Variants in SPMIP2 observed in about 807,000 individuals in gnomAD.
SPMIP2 encodes protein SPMIP2.
the SPMIP2 span, among the ~76,000 whole-genome samples, chr4:159,061,177 A>G: frequency 6.6e-6 from 1 of 151,294 alleles, no homozygotes; most frequent in Non-Finnish European, 1.5e-5. Context: ...AAAGGAATAT[A>G]GCCAGAAAAC....
chr4:159,036,749 C>A, the SPMIP2 span, among the ~76,000 whole-genome samples: 1 of 152,166 alleles, frequency 6.6e-6, no homozygotes, highest in Non-Finnish European at 1.5e-5. Context: ...TGTTACTGAT[C>A]TTTGGTGTCA....
At chr4:158,917,373 G>C in the SPMIP2 span, among the ~76,000 whole-genome samples, 1 of 152,056 alleles carries the variant, frequency 6.6e-6, no homozygotes, top group African/African-American at 2.4e-5. Flanking sequence ...GTTGCAGTGA[G>C]CTGAGATCAC....
the SPMIP2 span, chr4:158,960,332 T>G: frequency 6.4e-7 from 1 of 1,564,682 alleles, no homozygotes; most frequent in Non-Finnish European, 8.8e-7. Flanking sequence ...GAAGCTTGAC[T>G]TAGTTCTTCA....
At chr4:159,061,506 A>T in the SPMIP2 span, among the ~76,000 whole-genome samples, 3 of 152,120 alleles carry the variant, frequency 2.0e-5, no homozygotes, top group East Asian at 5.8e-4. Flanking sequence ...AAAGAAGTGA[A>T]CACTTAAAAG....
At chr4:158,923,656 A>T in the SPMIP2 span, among the ~76,000 whole-genome samples, 1 of 152,310 alleles carries the variant, frequency 6.6e-6, no homozygotes, top group South Asian at 2.1e-4. Flanking sequence ...TGTTATCAGC[A>T]ACTAGAGATA....
the SPMIP2 span, among the ~76,000 whole-genome samples, chr4:159,035,684 A>G: frequency 2.0e-5 from 3 of 152,184 alleles, no homozygotes; most frequent in East Asian, 5.8e-4. Context: ...ATGTCAATTT[A>G]CCTGTGGTTC....
chr4:158,923,066 A>C, the SPMIP2 span, among the ~76,000 whole-genome samples: 1 of 152,204 alleles, frequency 6.6e-6, no homozygotes, highest in African/African-American at 2.4e-5. Context: ...AAGTTAGTTG[A>C]CCATAAATGT....
chr4:159,003,296 C>T, the SPMIP2 span, among the ~76,000 whole-genome samples: 2 of 152,150 alleles, frequency 1.3e-5, no homozygotes, highest in African/African-American at 2.4e-5. Flanking sequence ...TCATAATAGG[C>T]TCATAACCTT....
the SPMIP2 span, among the ~76,000 whole-genome samples, chr4:159,030,897 T>C: frequency 6.6e-6 from 1 of 152,246 alleles, no homozygotes; most frequent in Non-Finnish European, 1.5e-5. Flanking sequence ...AATTCCTCAG[T>C]ATTTTCTCAT....
chr4:158,990,273 TTGG>T, the SPMIP2 span, among the ~76,000 whole-genome samples: 16 of 152,216 alleles, frequency 1.1e-4, no homozygotes, highest in African/African-American at 3.9e-4. Context: ...TTTTACACTG[TTGG>T]TGGGAGTGTA....
chr4:159,045,500 T>C, the SPMIP2 span, among the ~76,000 whole-genome samples: 2 of 152,122 alleles, frequency 1.3e-5, no homozygotes, highest in Non-Finnish European at 2.9e-5. Flanking sequence ...AAGAAACCCA[T>C]AGGGCATAGC....
At chr4:159,001,378 T>C in the SPMIP2 span, among the ~76,000 whole-genome samples, 2 of 152,156 alleles carry the variant, frequency 1.3e-5, no homozygotes, top group South Asian at 4.1e-4. Context: ...TTATTTTAGG[T>C]TTGGGGGTAC....
the SPMIP2 span, among the ~76,000 whole-genome samples, chr4:159,065,643 C>T: frequency 6.6e-6 from 1 of 152,118 alleles, no homozygotes; most frequent in East Asian, 1.9e-4. Flanking sequence ...TCCTAAGTCT[C>T]TCTTCTCAGA....
At chr4:158,958,616 C>T in the SPMIP2 span, among the ~76,000 whole-genome samples, 1 of 152,156 alleles carries the variant, frequency 6.6e-6, no homozygotes, top group Admixed American at 6.5e-5. Context: ...CTGAAAAGAA[C>T]AGAACATGAA....
chr4:158,900,075 T>TTTA, the SPMIP2 span, among the ~76,000 whole-genome samples: 2 of 152,188 alleles, frequency 1.3e-5, no homozygotes, highest in African/African-American at 4.8e-5. Flanking sequence ...TCAAAGAACT[T>TTTA]TTATTTCTGC....
chr4:158,961,341 A>G, the SPMIP2 span, among the ~76,000 whole-genome samples: 182 of 152,208 alleles, frequency 1.2e-3, no homozygotes, highest in African/African-American at 4.3e-3. Flanking sequence ...TTGAGAAGGC[A>G]AATTCATTTA....
the SPMIP2 span, among the ~76,000 whole-genome samples, chr4:158,998,674 A>G: frequency 6.6e-6 from 1 of 152,328 alleles, no homozygotes; most frequent in East Asian, 1.9e-4. Context: ...ACTAAATTAT[A>G]CAGATAGATT....
the SPMIP2 span, among the ~76,000 whole-genome samples, chr4:158,931,448 G>A: frequency 1.3e-5 from 2 of 152,132 alleles, no homozygotes; most frequent in African/African-American, 2.4e-5. Flanking sequence ...GTAGAGACGC[G>A]GTTTCATGAT....
chr4:158,931,109 T>C, the SPMIP2 span, among the ~76,000 whole-genome samples: 2 of 151,764 alleles, frequency 1.3e-5, no homozygotes, highest in Non-Finnish European at 2.9e-5. Context: ...TTTTCTTCAT[T>C]TTTTTTTTCT....
Sources: allele counts gnomAD v4.1 joint callset (sites outside exome capture counted in the v4.1 genomes callset), GRCh38; gene constraint gnomAD v4.1.1; transcripts MANE v1.5; gene names NCBI Gene and HGNC (gene_info 2026-07-23, HGNC 2026-07-21).